Variants in PRKACB observed in about 807,000 individuals in gnomAD.
The protein encoded by PRKACB is cAMP-dependent protein kinase catalytic subunit beta.
Under a neutral mutation model 51.4 loss-of-function variants are expected in PRKACB, and 16 were observed. That is an observed-to-expected ratio of 0.31 (90% CI 0.21 to 0.47). PRKACB has a LOEUF of 0.47. Ranked by LOEUF, PRKACB falls within the 20% of genes least tolerant of loss-of-function variation. PRKACB has a pLI of 1.00. For missense variants in PRKACB, 309 were observed against 464.5 expected (o/e 0.67, Z 3.08); for synonymous variants, 147 against 154.4 (o/e 0.95, Z 0.35).
chr1:84,097,715 G>A (rs986849044), intron 1 of PRKACB, among the ~76,000 whole-genome samples: 2 of 151,984 alleles, frequency 1.3e-5, no homozygotes, highest in African/African-American at 4.8e-5. Flanking sequence ...GGCTGAGTCT[G>A]AAGACCAAAG....
At chr1:84,233,077 C>T (rs1676015542) in intron 9 of PRKACB, among the ~76,000 whole-genome samples, 1 of 151,518 alleles carries the variant, frequency 6.6e-6, no homozygotes, top group Non-Finnish European at 1.5e-5. Context: ...ATGTTTAGCA[C>T]TTCCTTCAGG....
intron 1 of PRKACB, among the ~76,000 whole-genome samples, chr1:84,158,296 C>CT (rs1655767724): frequency 6.6e-6 from 1 of 152,198 alleles, no homozygotes; most frequent in East Asian, 1.9e-4. Flanking sequence ...CCTCAGCCTC[C>CT]CAAGTGCTGA....
intron 5 of PRKACB, among the ~76,000 whole-genome samples, 190 bp from the exon 6 acceptor site, chr1:84,196,426 A>G (rs944562971): frequency 2.0e-5 from 3 of 152,188 alleles, no homozygotes; most frequent in African/African-American, 7.2e-5. Context: ...AATTTATCAG[A>G]GCGTTATTTG....
chr1:84,168,196 G>A (rs1005070836), intron 1 of PRKACB, among the ~76,000 whole-genome samples: 1 of 151,566 alleles, frequency 6.6e-6, no homozygotes, highest in Non-Finnish European at 1.5e-5. Flanking sequence ...CCAAAGAGTA[G>A]AATTGATTTG....
At chr1:84,183,678 G>T (rs1206544587) in intron 3 of PRKACB, among the ~76,000 whole-genome samples, 2 of 151,676 alleles carry the variant, frequency 1.3e-5, no homozygotes, top group Non-Finnish European at 3.0e-5. Context: ...ATTACCTTAA[G>T]TAATTATATA....
At chr1:84,163,909 T>G (rs1656622376) in intron 1 of PRKACB, among the ~76,000 whole-genome samples, 1 of 151,966 alleles carries the variant, frequency 6.6e-6, no homozygotes, top group Non-Finnish European at 1.5e-5. Flanking sequence ...ATTTTGGATC[T>G]CTGGTAATCA....
At chr1:84,113,133 A>G (rs1445062330) in intron 1 of PRKACB, among the ~76,000 whole-genome samples, 1 of 152,212 alleles carries the variant, frequency 6.6e-6, no homozygotes, top group Admixed American at 6.5e-5. Context: ...TCAGTGAAAT[A>G]TGATTTAAAA....
chr1:84,146,464 G>T (rs1258674570), intron 1 of PRKACB, among the ~76,000 whole-genome samples: 1 of 151,856 alleles, frequency 6.6e-6, no homozygotes, highest in African/African-American at 2.4e-5. Context: ...AAATTCCAAG[G>T]TTTATTTTTG....
At chr1:84,101,404 G>A (rs1309298992) in intron 1 of PRKACB, among the ~76,000 whole-genome samples, 1 of 152,100 alleles carries the variant, frequency 6.6e-6, no homozygotes, top group Admixed American at 6.5e-5. Context: ...GATCAGTGTT[G>A]AATAACTAAC....
intron 1 of PRKACB, among the ~76,000 whole-genome samples, chr1:84,137,987 T>C (rs753539395): frequency 1.3e-5 from 2 of 152,156 alleles, no homozygotes; most frequent in Non-Finnish European, 2.9e-5. Context: ...CAAATGTTAG[T>C]ATACACGTAT....
chr1:84,169,682 T>C (rs1227767732), intron 1 of PRKACB, among the ~76,000 whole-genome samples: 1 of 151,722 alleles, frequency 6.6e-6, no homozygotes, highest in African/African-American at 2.4e-5. Flanking sequence ...ATATGATTTA[T>C]AGAACAGAAA....
At chr1:84,155,297 T>C (rs1322554595) in intron 1 of PRKACB, among the ~76,000 whole-genome samples, 1 of 152,042 alleles carries the variant, frequency 6.6e-6, no homozygotes, top group Non-Finnish European at 1.5e-5. Context: ...AAAAAATGCA[T>C]AGGAATAACT....
At chr1:84,229,927 TTTAGTTTAA>T (rs1675316892) in intron 9 of PRKACB, among the ~76,000 whole-genome samples, 2 of 152,068 alleles carry the variant, frequency 1.3e-5, no homozygotes, top group African/African-American at 4.8e-5. Flanking sequence ...GCAGAAGCTC[TTTAGTTTAA>T]TTAGATCCCA....
At chr1:84,186,555 G>A (rs910562520) in intron 5 of PRKACB, among the ~76,000 whole-genome samples, 5 of 152,006 alleles carry the variant, frequency 3.3e-5, no homozygotes, top group African/African-American at 7.2e-5. Context: ...CCCTGAGTGC[G>A]TTATTCCCTG....
At chr1:84,232,553 T>G (rs981551128) in intron 9 of PRKACB, among the ~76,000 whole-genome samples, 2 of 152,056 alleles carry the variant, frequency 1.3e-5, no homozygotes, top group African/African-American at 4.8e-5. Flanking sequence ...GTCTAAGTCT[T>G]TTTGTAGGTC....
chr1:84,190,535 A>G (rs1558193263), intron 5 of PRKACB, among the ~76,000 whole-genome samples: 1 of 152,020 alleles, frequency 6.6e-6, no homozygotes, highest in Non-Finnish European at 1.5e-5. Context: ...ATAACTCAGA[A>G]GATACACGTT....
chr1:84,235,156 T>A (rs1271834089), intron 9 of PRKACB, 24 bp from the exon 10 acceptor site: 4 of 1,575,056 alleles, frequency 2.5e-6, no homozygotes, highest in Non-Finnish European at 2.6e-6. Context: ...CTTTTTCTTA[T>A]TTTTCTCTCC....
rs914327120 is a variant in PRKACB, at chr1:84,171,945, C to G, written c.188-7232C>G. 2.6e-5 allele frequency among the ~76,000 whole-genome samples: 4 copies of G among 151,658 alleles called. No homozygotes were observed. The Middle Eastern group carries it at 0.014, about 516-fold the overall frequency. ...AATAGCAACCAAAGTGCTAAAGAAC[C>G]TAGGTATAAATCTAATAAAAGTGTA... On this transcript the variant is annotated intron_variant, in intron 1 of 9. Coordinates refer to ENST00000370685, the MANE Select transcript of PRKACB (RefSeq NM_182948.4).
At chr1:84,173,316 CT>C in intron 1 of PRKACB, 1 of 1,563,654 alleles carries the variant, frequency 6.4e-7, no homozygotes, top group Non-Finnish European at 8.7e-7. Context: ...TCTGTTTATT[CT>C]TTTTGATCAA....
Sources: allele counts gnomAD v4.1 joint callset (sites outside exome capture counted in the v4.1 genomes callset), GRCh38; gene constraint gnomAD v4.1.1; transcripts MANE v1.5; gene names NCBI Gene and HGNC (gene_info 2026-07-23, HGNC 2026-07-21).